RLN2: variants seen among roughly 807,000 people sequenced by gnomAD.
RLN2 encodes the protein prorelaxin H2.
Under a neutral mutation model 7.3 loss-of-function variants are expected in RLN2, and 10 were observed. The ratio of observed to expected loss-of-function variants is 1.36; its 90% CI spans 0.84 to 2.31. The LOEUF (loss-of-function observed/expected upper bound fraction) is 2.31. RLN2 is among the 30% of genes most tolerant of loss of function. RLN2 has a pLI of 0.00. For missense variants in RLN2, 298 were observed against 217.6 expected, an observed-to-expected ratio of 1.37 and a Z score of -2.32; for synonymous variants, 103 against 82.3, an observed-to-expected ratio of 1.25 and a Z score of -1.36.
At chr9:5,330,268 A>G in the RLN2 span, among the ~76,000 whole-genome samples, 1 of 152,082 alleles carries the variant, frequency 6.6e-6, no homozygotes, top group Non-Finnish European at 1.5e-5. Context: ...CAGTGTGTAG[A>G]AGAAAATTTA....
At position 5,304,547 on chromosome 9, in the gene RLN2, C is replaced by T. The variant is rs2020050; in HGVS notation, c.34G>A (p.Val12Ile). 1.9e-6 allele frequency: 3 copies of T among 1,612,896 alleles called. No individual in the cohort carries two copies. Among genetic ancestry groups the T allele is most frequent in the Admixed American group, 1.7e-5 (1 of 59,944 alleles). ...PRLFFFHLLG[V>I]CLLLNQFSRA... The stretch of plus-strand genomic sequence containing the variant: ...GAAAATTGGTTCAGTAGTAAACAGA[C>T]TCCTAGCAGGTGGAAAAAAAACAGG... Residue 12 changes from valine (V) to isoleucine (I), a missense_variant, in exon 1 of 2, where the codon GTC becomes ATC. By Grantham distance (29) the Val-to-Ile change is conservative. Coordinates refer to ENST00000381627, the MANE Select transcript of RLN2 (RefSeq NM_134441.3).
At chr9:5,310,455 C>G in the RLN2 span, among the ~76,000 whole-genome samples, 6 of 152,080 alleles carry the variant, frequency 3.9e-5, no homozygotes, top group South Asian at 6.2e-4. Flanking sequence ...TAGGAAAAAA[C>G]TAACATTCCA....
At chr9:5,327,073 A>C in the RLN2 span, among the ~76,000 whole-genome samples, 1 of 152,022 alleles carries the variant, frequency 6.6e-6, no homozygotes, top group African/African-American at 2.4e-5. Context: ...ACAGAGGGTG[A>C]GCTGAAGCAG....
the RLN2 span, chr9:5,311,662 A>T: frequency 7.2e-5 from 97 of 1,343,268 alleles, no homozygotes; most frequent in African/African-American, 1.3e-3. Context: ...CAGAAAATGG[A>T]GACGCCAAAA....
chr9:5,325,081 A>G, the RLN2 span, among the ~76,000 whole-genome samples: 1 of 152,066 alleles, frequency 6.6e-6, no homozygotes, highest in Non-Finnish European at 1.5e-5. Flanking sequence ...AAATAATAAT[A>G]TAACATTTTT....
chr9:5,331,116 G>A, the RLN2 span, among the ~76,000 whole-genome samples: 43 of 151,962 alleles, frequency 2.8e-4, 1 homozygote, highest in African/African-American at 9.2e-4. Context: ...ATAGCCTACC[G>A]ACCAAAAAAT....
the RLN2 span, among the ~76,000 whole-genome samples, chr9:5,314,938 T>C: frequency 6.6e-6 from 1 of 150,974 alleles, no homozygotes; most frequent in East Asian, 1.9e-4. Flanking sequence ...TCCTAACCTT[T>C]AGCTGGGCCA....
the RLN2 span, among the ~76,000 whole-genome samples, chr9:5,323,125 C>T: frequency 5.3e-5 from 8 of 151,730 alleles, no homozygotes; most frequent in African/African-American, 1.9e-4. Context: ...CTCCTCTCGC[C>T]TTCCCACAAT....
At chr9:5,318,628 A>T in the RLN2 span, among the ~76,000 whole-genome samples, 7 of 152,040 alleles carry the variant, frequency 4.6e-5, no homozygotes, top group African/African-American at 1.7e-4. Context: ...CAAGAGAATT[A>T]ACAATCTTAA....
chr9:5,316,085 ATG>A, the RLN2 span, among the ~76,000 whole-genome samples: 1 of 152,064 alleles, frequency 6.6e-6, no homozygotes, highest in Non-Finnish European at 1.5e-5. Context: ...CTGTTAAGTC[ATG>A]TATATCTTTA....
the RLN2 span, among the ~76,000 whole-genome samples, chr9:5,330,796 A>C: frequency 1.6e-3 from 239 of 151,264 alleles, 2 homozygotes; most frequent in African/African-American, 5.2e-3. Flanking sequence ...TCAAAACATC[A>C]ATGAATCCAG....
the RLN2 span, among the ~76,000 whole-genome samples, chr9:5,337,566 A>G: frequency 2.6e-5 from 4 of 152,012 alleles, no homozygotes; most frequent in African/African-American, 9.7e-5. Flanking sequence ...GTAAGATAAA[A>G]TGGTTATCTA....
chr9:5,316,596 A>C, the RLN2 span, among the ~76,000 whole-genome samples: 1 of 151,988 alleles, frequency 6.6e-6, no homozygotes, highest in African/African-American at 2.4e-5. Flanking sequence ...TTCCAACTTC[A>C]TCCATATCCC....
At chr9:5,316,580 G>C in the RLN2 span, among the ~76,000 whole-genome samples, 1,725 of 152,068 alleles carry the variant, frequency 0.011, 41 homozygotes, top group African/African-American at 0.039. Flanking sequence ...TGCTGAGAAT[G>C]ATGGTTTCCA....
chr9:5,333,942 A>G, the RLN2 span, among the ~76,000 whole-genome samples: 2 of 152,182 alleles, frequency 1.3e-5, no homozygotes, highest in East Asian at 3.9e-4. Context: ...TAACAGATGC[A>G]CAAAACACCT....
chr9:5,323,855 T>C, the RLN2 span, among the ~76,000 whole-genome samples: 1 of 151,906 alleles, frequency 6.6e-6, no homozygotes, highest in Non-Finnish European at 1.5e-5. Flanking sequence ...AAGACCAACC[T>C]GGCCAACATG....
the RLN2 span, among the ~76,000 whole-genome samples, chr9:5,319,264 C>A: frequency 2.0e-5 from 3 of 151,232 alleles, no homozygotes; most frequent in South Asian, 6.2e-4. Context: ...ATACAGGAAG[C>A]CTACATGACT....
At chr9:5,327,297 G>A in the RLN2 span, among the ~76,000 whole-genome samples, 5 of 152,042 alleles carry the variant, frequency 3.3e-5, no homozygotes, top group South Asian at 4.2e-4. Flanking sequence ...CACTACTAGC[G>A]CAGCAGTCTG....
chr9:5,335,137 A>G, the RLN2 span: 1 of 599,940 alleles, frequency 1.7e-6, no homozygotes, highest in Non-Finnish European at 2.8e-6. Context: ...AAATCTAAAC[A>G]TTAATAAAGA....
Sources: gnomAD v4.1 joint callset for allele counts (sites outside exome capture counted in the v4.1 genomes callset) on GRCh38, gnomAD v4.1.1 for gene constraint, MANE v1.5 for transcripts, NCBI Gene and HGNC (gene_info 2026-07-23, HGNC 2026-07-21) for gene names.